The following BLTP1 variants were observed in gnomAD, a reference collection of about 807,000 sequenced individuals.
BLTP1 encodes the protein fragile site-associated protein.
the BLTP1 span, among the ~76,000 whole-genome samples, chr4:122,358,738 T>A: frequency 1.3e-5 from 2 of 152,160 alleles, no homozygotes; most frequent in African/African-American, 2.4e-5. Context: ...TATTACCTAA[T>A]TATTCAATTA....
At chr4:122,197,357 A>G in the BLTP1 span, 1 of 1,077,224 alleles carries the variant, frequency 9.3e-7, no homozygotes, top group Non-Finnish European at 1.3e-6. Flanking sequence ...TCTTAGACTA[A>G]CATTAATAAG....
chr4:122,248,696 A>G, the BLTP1 span, among the ~76,000 whole-genome samples: 2 of 152,056 alleles, frequency 1.3e-5, no homozygotes, highest in African/African-American at 4.8e-5. Flanking sequence ...AAAGAATGAC[A>G]TTTCCATAGC....
At chr4:122,211,096 G>C in the BLTP1 span, 1 of 1,607,324 alleles carries the variant, frequency 6.2e-7, no homozygotes. Flanking sequence ...GTGTATAAAG[G>C]TATGATTCTT....
At chr4:122,160,707 CT>C in the BLTP1 span, among the ~76,000 whole-genome samples, 1 of 152,122 alleles carries the variant, frequency 6.6e-6, no homozygotes, top group Non-Finnish European at 1.5e-5. Context: ...GTTGTATGAT[CT>C]GATTTGTATT....
chr4:122,157,632 C>G, the BLTP1 span, among the ~76,000 whole-genome samples: 285 of 152,294 alleles, frequency 1.9e-3, no homozygotes, highest in Non-Finnish European at 3.4e-3. Flanking sequence ...TAGTTCCTAA[C>G]AGGCCACAGA....
At chr4:122,187,483 A>G in the BLTP1 span, 3 of 1,612,372 alleles carry the variant, frequency 1.9e-6, no homozygotes, top group East Asian at 2.2e-5. Context: ...GAGATCACTT[A>G]TTCCAGTCAT....
At chr4:122,280,678 A>C in the BLTP1 span, among the ~76,000 whole-genome samples, 1 of 151,848 alleles carries the variant, frequency 6.6e-6, no homozygotes, top group Non-Finnish European at 1.5e-5. Context: ...AAAAAAAAAA[A>C]AAAACAACCA....
At chr4:122,210,474 A>G in the BLTP1 span, among the ~76,000 whole-genome samples, 1 of 152,166 alleles carries the variant, frequency 6.6e-6, no homozygotes. Context: ...TTCAAAGGAT[A>G]GTTTTCATAG....
chr4:122,324,884 G>A, the BLTP1 span, among the ~76,000 whole-genome samples: 1 of 151,736 alleles, frequency 6.6e-6, no homozygotes, highest in South Asian at 2.1e-4. Context: ...AGTAGCTACT[G>A]CTCTAGATTT....
At chr4:122,334,401 T>C in the BLTP1 span, 1 of 1,612,820 alleles carries the variant, frequency 6.2e-7, no homozygotes. Flanking sequence ...CAGGGGATCT[T>C]CCTTGCCAAG....
At chr4:122,309,880 C>A in the BLTP1 span, among the ~76,000 whole-genome samples, 1 of 151,994 alleles carries the variant, frequency 6.6e-6, no homozygotes, top group African/African-American at 2.4e-5. Flanking sequence ...GTGAATAAAT[C>A]CACATGTTCA....
the BLTP1 span, among the ~76,000 whole-genome samples, chr4:122,233,504 C>A: frequency 6.6e-6 from 1 of 152,152 alleles, no homozygotes; most frequent in African/African-American, 2.4e-5. Context: ...TAAAAAAAGT[C>A]TATTATGTAT....
chr4:122,335,791 G>A, the BLTP1 span, among the ~76,000 whole-genome samples: 18 of 152,140 alleles, frequency 1.2e-4, no homozygotes, highest in African/African-American at 3.6e-4. Context: ...GGCATCCCAT[G>A]TAGGGAAGCA....
At chr4:122,351,355 T>G in the BLTP1 span, 1 of 285,378 alleles carries the variant, frequency 3.5e-6, no homozygotes, top group Non-Finnish European at 5.2e-6. Flanking sequence ...TCTGTGTATC[T>G]GTATATATGC....
chr4:122,359,234 A>G, the BLTP1 span: 1 of 660,158 alleles, frequency 1.5e-6, no homozygotes, highest in Non-Finnish European at 1.9e-6. Flanking sequence ...ACTTAAAAGT[A>G]TAATAATAAT....
chr4:122,336,644 A>G, the BLTP1 span: 1 of 979,962 alleles, frequency 1.0e-6, no homozygotes, highest in Non-Finnish European at 1.2e-6. Context: ...CTTTGAGGGC[A>G]AGGATATAAT....
At chr4:122,187,256 C>T in the BLTP1 span, 1 of 982,682 alleles carries the variant, frequency 1.0e-6, no homozygotes, top group Non-Finnish European at 1.2e-6. Context: ...CAGTAGACAG[C>T]TGTAGGAATA....
the BLTP1 span, among the ~76,000 whole-genome samples, chr4:122,215,123 C>G: frequency 6.6e-6 from 1 of 152,112 alleles, no homozygotes; most frequent in East Asian, 1.9e-4. Flanking sequence ...TCCTTTAGAG[C>G]AAAGTCACTG....
At chr4:122,267,211 A>T in the BLTP1 span, among the ~76,000 whole-genome samples, 1 of 151,738 alleles carries the variant, frequency 6.6e-6, no homozygotes, top group East Asian at 1.9e-4. Flanking sequence ...AGCGCCTGCC[A>T]CCATGCCTGG....
Sources: allele counts gnomAD v4.1 joint callset (sites outside exome capture counted in the v4.1 genomes callset), GRCh38; gene constraint gnomAD v4.1.1; transcripts MANE v1.5; gene names NCBI Gene and HGNC (gene_info 2026-07-23, HGNC 2026-07-21).